Variants in TERB1 observed in about 807,000 individuals in gnomAD.
TERB1 encodes telomere repeat binding bouquet formation protein 1, also known as telomere repeats-binding bouquet formation protein 1.
A neutral mutation model predicts 92.3 loss-of-function variants in TERB1; 63 were observed. The ratio of observed to expected loss-of-function variants is 0.68; its 90% CI spans 0.56 to 0.84. TERB1 has a LOEUF of 0.84. Among genes scored for constraint, TERB1 ranks in the 40% least tolerant of loss-of-function variants. The pLI is 0.00. For missense variants in TERB1, 709 were observed against 843.7 expected, an observed-to-expected ratio of 0.84 and a Z score of 1.98; for synonymous variants, 252 against 283.9, an observed-to-expected ratio of 0.89 and a Z score of 1.13.
At position 66,790,607 on chromosome 16, in the gene TERB1, C is replaced by T. The variant is rs1418403893; in HGVS notation, c.259G>A (p.Ala87Thr). The T allele has an allele frequency of 1.3e-6, 2 of 1,542,674 alleles. No individual in the cohort carries two copies. Among genetic ancestry groups the T allele is most frequent in the East Asian group, 2.5e-5 (1 of 40,740 alleles). Residue 87 changes from alanine to threonine, a missense_variant, in exon 5 of 19, where the codon GCA (alanine) becomes ACA (threonine). Coordinates refer to ENST00000433154, the MANE Select transcript of TERB1 (RefSeq NM_001136505.2). ...EAALYTLGAI[A>T]EKNVYCQQTL... is the part of the protein sequence containing the mutation. ...TTTTATATTTTACCATTTTTCTCTG[C>T]AATAGCTCCTAATGTATATAAGGCT... is the stretch of plus-strand genomic sequence containing the variant.
Position 66,796,845 on chromosome 16 carries a change from T to C in TERB1, c.-32-15A>G, listed in dbSNP as rs941674538. 2.3e-6 allele frequency: 3 copies of C among 1,315,786 alleles called. No homozygotes were observed. The highest frequency in any genetic ancestry group is 2.9e-5 in the African/African-American group (2 of 68,148). 81.5% of individuals were successfully genotyped at this position (1,315,786 alleles called of 1,614,324 possible). A position where few individuals can be genotyped will look rare whatever the true frequency, so the allele number is the denominator to read the frequency against. On this transcript the variant is annotated splice_polypyrimidine_tract_variant and intron_variant, in intron 2 of 18. Coordinates refer to ENST00000433154, the MANE Select transcript of TERB1 (RefSeq NM_001136505.2). Reference sequence around the variant, plus strand: ...TTATATTTTGTCTATAAGATAAAGGTATTTTCTCAATTTAAATCAATGTTT... The same window carrying C: ...TTATATTTTGTCTATAAGATAAAGGCATTTTCTCAATTTAAATCAATGTTT...
chr16:66,774,160 C>T (rs867450657), intron 12 of TERB1, among the ~76,000 whole-genome samples: 10 of 147,158 alleles, frequency 6.8e-5, no homozygotes, highest in South Asian at 2.2e-4. Flanking sequence ...GGATTACAGG[C>T]GTGAGCCACC....
At chr16:66,794,920 A>AC (rs58478982) in intron 3 of TERB1, among the ~76,000 whole-genome samples, 11 of 147,628 alleles carry the variant, frequency 7.5e-5, no homozygotes, top group Admixed American at 1.3e-4. Flanking sequence ...AAAAAAAAAA[A>AC]AAACACACAC....
intron 5 of TERB1, among the ~76,000 whole-genome samples, chr16:66,789,539 G>A (rs1323482894): frequency 5.5e-4 from 16 of 29,258 alleles, no homozygotes; most frequent in Admixed American, 1.1e-3. Context: ...AGCCGAGATC[G>A]CGCCACTGCA....
intron 16 of TERB1, among the ~76,000 whole-genome samples, chr16:66,761,978 G>A (rs529525257): frequency 3.4e-4 from 51 of 152,052 alleles, no homozygotes; most frequent in African/African-American, 1.2e-3. Context: ...GCTTGAACCC[G>A]GGAGGCAGAG....
chr16:66,792,091 T>C (rs892408746), intron 3 of TERB1, among the ~76,000 whole-genome samples: 8 of 152,172 alleles, frequency 5.3e-5, no homozygotes, highest in African/African-American at 1.9e-4. Context: ...CACGACTAAG[T>C]GGGTTTATCC....
At chr16:66,767,853 G>C (rs1056603057) in intron 15 of TERB1, among the ~76,000 whole-genome samples, 1 of 152,028 alleles carries the variant, frequency 6.6e-6, no homozygotes, top group Non-Finnish European at 1.5e-5. Context: ...TCAGCCTCCA[G>C]AGTAGCTGGG....
intron 2 of TERB1, among the ~76,000 whole-genome samples, chr16:66,798,832 T>C (rs911909379): frequency 4.6e-5 from 7 of 152,226 alleles, no homozygotes; most frequent in African/African-American, 1.7e-4. Flanking sequence ...ACTTTGTTCT[T>C]TACACCTTAT....
At chr16:66,768,243 G>T in intron 14 of TERB1, 75 bp from the exon 15 acceptor site, 2 of 1,204,544 alleles carry the variant, frequency 1.7e-6, no homozygotes, top group Non-Finnish European at 2.4e-6. Context: ...TCTGTAAGCA[G>T]TGTTGTGATT....
chr16:66,776,478 C>A (rs1350234412), intron 11 of TERB1, among the ~76,000 whole-genome samples: 1 of 151,972 alleles, frequency 6.6e-6, no homozygotes, highest in Non-Finnish European at 1.5e-5. Context: ...TATAATCAAT[C>A]CTAAATTACA....
At chr16:66,788,108 T>G (rs1261241878) in intron 6 of TERB1, 61 bp downstream of exon 6, 1 of 1,249,218 alleles carries the variant, frequency 8.0e-7, no homozygotes, top group African/African-American at 1.6e-5. Context: ...AATAAAAAAT[T>G]AATAATGGCT....
intron 18 of TERB1, among the ~76,000 whole-genome samples, chr16:66,757,334 A>G (rs1483840200): frequency 6.6e-6 from 1 of 152,210 alleles, no homozygotes; most frequent in Non-Finnish European, 1.5e-5. Flanking sequence ...CATTTCATGA[A>G]GTTCTGCAAA....
At chr16:66,764,551 G>A (rs569615369) in intron 16 of TERB1, among the ~76,000 whole-genome samples, 10 of 152,314 alleles carry the variant, frequency 6.6e-5, no homozygotes, top group African/African-American at 2.2e-4. Flanking sequence ...CACATATTAA[G>A]AAGATAAGTT....
At chr16:66,774,742 G>A (rs1259603864) in intron 12 of TERB1, among the ~76,000 whole-genome samples, 5 of 148,918 alleles carry the variant, frequency 3.4e-5, no homozygotes, top group South Asian at 2.1e-4. Context: ...GAGGGCCAGT[G>A]GTGCAAACAC....
chr16:66,760,471 G>GA (rs2018220509), intron 16 of TERB1, among the ~76,000 whole-genome samples: 1 of 44,996 alleles, frequency 2.2e-5, no homozygotes, highest in Non-Finnish European at 3.7e-5. Context: ...AAAAAAAAAA[G>GA]AAAAGAAAAG....
At chr16:66,787,529 T>C (rs2018749875) in intron 6 of TERB1, among the ~76,000 whole-genome samples, 1 of 152,198 alleles carries the variant, frequency 6.6e-6, no homozygotes, top group Admixed American at 6.5e-5. Flanking sequence ...GAACATTCTA[T>C]ATTCTCTTTG....
chr16:66,757,790 C>T (rs747210486), intron 18 of TERB1, among the ~76,000 whole-genome samples: 12 of 152,018 alleles, frequency 7.9e-5, no homozygotes, highest in Non-Finnish European at 1.3e-4. Context: ...GTATTAACTC[C>T]GTACGAATAA....
At chr16:66,787,284 T>TTTTTC (rs2018745912) in intron 6 of TERB1, among the ~76,000 whole-genome samples, 1 of 70,978 alleles carries the variant, frequency 1.4e-5, no homozygotes, top group Non-Finnish European at 3.5e-5. Flanking sequence ...TTTCTTTTTC[T>TTTTTC]TTTTTTTTTT....
intron 9 of TERB1, among the ~76,000 whole-genome samples, chr16:66,783,260 T>G (rs982070062): frequency 2.6e-5 from 4 of 152,238 alleles, no homozygotes; most frequent in African/African-American, 2.4e-5. Context: ...GGAAGTTTCC[T>G]TCTGTTCCTA....
Sources: allele counts gnomAD v4.1 joint callset (sites outside exome capture counted in the v4.1 genomes callset), GRCh38; gene constraint gnomAD v4.1.1; transcripts MANE v1.5; gene names NCBI Gene and HGNC (gene_info 2026-07-23, HGNC 2026-07-21).